POLA1: variants seen among roughly 807,000 people sequenced by gnomAD.
POLA1 encodes the protein DNA polymerase alpha 1, catalytic subunit, also known as DNA polymerase alpha catalytic subunit.
A neutral mutation model predicts 124.0 loss-of-function variants in POLA1; 15 were observed. The observed-to-expected ratio is 0.12, with a 90% CI of 0.08 to 0.19. POLA1 has a LOEUF of 0.19. Ranked by LOEUF, POLA1 falls within the 10% of genes least tolerant of loss-of-function variation. POLA1 has a pLI of 1.00. For synonymous variants in POLA1, 408 were observed against 389.4 expected (o/e 1.05, Z -0.56); for missense variants, 886 against 1,103.4 (o/e 0.80, Z 2.79).
intron 32 of POLA1, among the ~76,000 whole-genome samples, chrX:24,840,072 A>G (rs183121659): frequency 0.011 from 1,196 of 112,463 alleles, 8 homozygotes; most frequent in Non-Finnish European, 0.015. Flanking sequence ...CAAGTGGCCC[A>G]TGTTAACATA....
intron 34 of POLA1, among the ~76,000 whole-genome samples, chrX:24,848,406 A>G (rs1780682775): frequency 8.9e-6 from 1 of 112,417 alleles, no homozygotes; most frequent in African/African-American, 3.2e-5. Flanking sequence ...GGTAGCTGTG[A>G]GTTCTTTTGG....
chrX:24,703,788 T>A (rs1179491913), intron 3 of POLA1, among the ~76,000 whole-genome samples: 1 of 111,938 alleles, frequency 8.9e-6, no homozygotes, highest in Non-Finnish European at 1.9e-5. Context: ...AACTACCTTC[T>A]CCCAGAGTTG....
chrX:24,716,916 C>T lies in POLA1; in HGVS notation c.651C>T (p.Val217=). The T allele has an allele frequency of 1.7e-6, 2 of 1,202,080 alleles. No individual in the cohort carries two copies. The highest frequency in any genetic ancestry group is 2.3e-6 in the Non-Finnish European group (2 of 888,229). The change falls in exon 8 of 37, where the codon GTC becomes GTT. Residue 217 remains valine (V), a synonymous_variant. Coordinates refer to ENST00000379068, the MANE Select transcript of POLA1 (RefSeq NM_001330360.2). ...AVPSGKIASP[V]SRKEPPLTPV... ...CTTCAGGAAAAATTGCTTCCCCTGT[C>T]TCCAGAAAGGAGCCTCCATTAACTC...
intron 36 of POLA1, among the ~76,000 whole-genome samples, chrX:24,976,452 A>G (rs1193350862): frequency 2.7e-5 from 3 of 112,421 alleles, no homozygotes; most frequent in African/African-American, 6.5e-5. Context: ...TACATTTTGG[A>G]TAAAAATTTC....
At chrX:24,755,423 A>G (rs952042900) in intron 26 of POLA1, among the ~76,000 whole-genome samples, 6 of 111,667 alleles carry the variant, frequency 5.4e-5, no homozygotes, top group African/African-American at 1.6e-4. Flanking sequence ...AGGGTATCTC[A>G]TTGTGATTTT....
chrX:24,837,725 C>T (rs748122976), intron 32 of POLA1, among the ~76,000 whole-genome samples: 122 of 112,003 alleles, frequency 1.1e-3, no homozygotes, highest in African/African-American at 3.8e-3. Flanking sequence ...AAAAAAATTT[C>T]ACTCAATGGG....
At chrX:24,990,613 C>T (rs1463005513) in intron 36 of POLA1, among the ~76,000 whole-genome samples, 3 of 112,403 alleles carry the variant, frequency 2.7e-5, no homozygotes, top group Non-Finnish European at 5.6e-5. Flanking sequence ...TTCATAAGCC[C>T]AAAATGGAAT....
At chrX:24,762,230 G>A (rs893993237) in intron 26 of POLA1, among the ~76,000 whole-genome samples, 6 of 112,010 alleles carry the variant, frequency 5.4e-5, no homozygotes, top group African/African-American at 1.9e-4. Flanking sequence ...CGAGTACCTA[G>A]CAAGTGTCAG....
At chrX:24,920,008 G>A (rs186375884) in intron 35 of POLA1, among the ~76,000 whole-genome samples, 46 of 106,197 alleles carry the variant, frequency 4.3e-4, no homozygotes, top group African/African-American at 1.5e-3. Context: ...CACCACACCC[G>A]GCTAATTTTT....
At chrX:24,786,728 C>T in intron 26 of POLA1, among the ~76,000 whole-genome samples, 1 of 92,631 alleles carries the variant, frequency 1.1e-5, no homozygotes, top group East Asian at 3.3e-4. Flanking sequence ...TCACCTCTGG[C>T]CCAGGCTGGA....
At chrX:24,748,720 A>C (rs1273900682) in intron 25 of POLA1, 150 bp from the exon 26 acceptor site, 9 of 608,843 alleles carry the variant, frequency 1.5e-5, no homozygotes, top group Non-Finnish European at 2.3e-5. Context: ...GGAATCATGG[A>C]TCCAGGAGAA....
chrX:24,969,601 C>T (rs2048274687), intron 36 of POLA1, among the ~76,000 whole-genome samples: 1 of 110,964 alleles, frequency 9.0e-6, no homozygotes, highest in African/African-American at 3.3e-5. Flanking sequence ...TGTACTCTTC[C>T]TGTGCAAGAT....
intron 26 of POLA1, among the ~76,000 whole-genome samples, chrX:24,774,741 A>G (rs2045102781): frequency 8.9e-6 from 1 of 112,653 alleles, no homozygotes; most frequent in African/African-American, 3.2e-5. Flanking sequence ...TGGGAGCCCA[A>G]CCAATTGCTT....
chrX:24,811,796 A>C (rs145074586), intron 28 of POLA1, among the ~76,000 whole-genome samples: 243 of 112,014 alleles, frequency 2.2e-3, no homozygotes, highest in African/African-American at 7.5e-3. Context: ...AAATACCTAC[A>C]TACATACATA....
intron 26 of POLA1, among the ~76,000 whole-genome samples, chrX:24,758,087 A>C (rs1043082756): frequency 9.0e-6 from 1 of 111,583 alleles, no homozygotes; most frequent in Non-Finnish European, 1.9e-5. Context: ...GTAATTTGGA[A>C]ACACCCCATG....
At chrX:24,772,880 G>T (rs1011456773) in intron 26 of POLA1, among the ~76,000 whole-genome samples, 2 of 111,946 alleles carry the variant, frequency 1.8e-5, no homozygotes, top group Admixed American at 9.5e-5. Context: ...ACATGCATGT[G>T]TCTGTTCATT....
At chrX:24,738,659 A>G (rs1257688455) in intron 19 of POLA1, among the ~76,000 whole-genome samples, 1 of 111,358 alleles carries the variant, frequency 9.0e-6, no homozygotes, top group Non-Finnish European at 1.9e-5. Context: ...TCTTAAAGCC[A>G]ATGTGTACTT....
At chrX:24,986,001 G>A (rs1159912592) in intron 36 of POLA1, among the ~76,000 whole-genome samples, 2 of 111,284 alleles carry the variant, frequency 1.8e-5, no homozygotes, top group African/African-American at 6.6e-5. Flanking sequence ...GAGAAACCCC[G>A]TCTGTACTAA....
intron 24 of POLA1, among the ~76,000 whole-genome samples, chrX:24,746,915 T>C (rs1932033915): frequency 8.9e-6 from 1 of 111,953 alleles, no homozygotes; most frequent in Non-Finnish European, 1.9e-5. Flanking sequence ...TGTGCCTGGC[T>C]TTTTTCTTTG....
Sources: allele counts gnomAD v4.1 joint callset (sites outside exome capture counted in the v4.1 genomes callset), GRCh38; gene constraint gnomAD v4.1.1; transcripts MANE v1.5; gene names NCBI Gene and HGNC (gene_info 2026-07-23, HGNC 2026-07-21).